RSRC1: variants seen among roughly 807,000 people sequenced by gnomAD.
RSRC1 encodes the protein serine/Arginine-related protein 53.
RSRC1 carries 39 observed loss-of-function variants against 49.1 expected under a neutral mutation model. The observed-to-expected ratio is 0.79, with a 90% CI of 0.61 to 1.04. The LOEUF is 1.04. RSRC1 is among the 50% of genes least tolerant of loss of function. The pLI is 0.00. For synonymous variants in RSRC1, 143 were observed against 130.8 expected (o/e 1.09, Z -0.63); for missense variants, 388 against 402.4 (o/e 0.96, Z 0.31).
chr3:158,229,217 C>A (rs138799732), intron 4 of RSRC1, among the ~76,000 whole-genome samples: 1 of 71,712 alleles, frequency 1.4e-5, no homozygotes. Context: ...TATGTATACA[C>A]ACATACACGT....
At chr3:158,220,381 G>A (rs914744031) in intron 4 of RSRC1, among the ~76,000 whole-genome samples, 1 of 151,550 alleles carries the variant, frequency 6.6e-6, no homozygotes, top group Non-Finnish European at 1.5e-5. Context: ...TACTCTGAAG[G>A]TTAGATGAAA....
chr3:158,378,040 G>C (rs936999526), intron 6 of RSRC1, among the ~76,000 whole-genome samples: 3 of 151,972 alleles, frequency 2.0e-5, no homozygotes, highest in African/African-American at 7.3e-5. Context: ...TTTTCTCTGA[G>C]TTTTCAGGTT....
chr3:158,250,047 A>G (rs528759898), intron 4 of RSRC1, among the ~76,000 whole-genome samples: 2 of 152,338 alleles, frequency 1.3e-5, no homozygotes, highest in African/African-American at 2.4e-5. Context: ...TCTCCCACAA[A>G]TAAGTGAGAA....
chr3:158,123,333 G>C (rs190145261), intron 2 of RSRC1, among the ~76,000 whole-genome samples: 114 of 152,230 alleles, frequency 7.5e-4, no homozygotes, highest in African/African-American at 2.7e-3. Context: ...TTAGAGACAA[G>C]ATCTTGCTCT....
intron 6 of RSRC1, among the ~76,000 whole-genome samples, chr3:158,450,640 A>G (rs900291648): frequency 6.6e-6 from 1 of 151,828 alleles, no homozygotes; most frequent in South Asian, 2.1e-4. Flanking sequence ...CCATAGTTTT[A>G]TAGTCTTTAT....
chr3:158,249,180 A>G (rs1253328397), intron 4 of RSRC1, among the ~76,000 whole-genome samples: 2 of 152,138 alleles, frequency 1.3e-5, no homozygotes, highest in Non-Finnish European at 2.9e-5. Context: ...CATATATTTA[A>G]AAGCATGCAA....
chr3:158,268,820 A>G (rs1725348891), intron 4 of RSRC1, among the ~76,000 whole-genome samples: 1 of 152,236 alleles, frequency 6.6e-6, no homozygotes, highest in African/African-American at 2.4e-5. Flanking sequence ...TTTTTATACT[A>G]AAGTTTAAAT....
chr3:158,474,698 T>C (rs1452339432), intron 7 of RSRC1, among the ~76,000 whole-genome samples: 1 of 152,180 alleles, frequency 6.6e-6, no homozygotes, highest in African/African-American at 2.4e-5. Flanking sequence ...TTTCAGGAAA[T>C]TGTAGCCATT....
intron 5 of RSRC1, among the ~76,000 whole-genome samples, chr3:158,330,162 C>T (rs1355056371): frequency 2.6e-5 from 4 of 152,204 alleles, no homozygotes; most frequent in African/African-American, 9.7e-5. Flanking sequence ...AAAGGGAATT[C>T]CCTGACCCCT....
chr3:158,199,856 G>T (rs1720927726), intron 3 of RSRC1, among the ~76,000 whole-genome samples: 1 of 152,002 alleles, frequency 6.6e-6, no homozygotes, highest in African/African-American at 2.4e-5. Context: ...ATTTAATTCT[G>T]TTTTGGTCAG....
intron 8 of RSRC1, among the ~76,000 whole-genome samples, chr3:158,543,061 A>T (rs1433783599): frequency 6.6e-6 from 1 of 152,080 alleles, no homozygotes; most frequent in Admixed American, 6.6e-5. Flanking sequence ...TCTATTTGTT[A>T]TTCCTAAAAC....
chr3:158,368,712 T>C (rs1731908445), intron 6 of RSRC1, among the ~76,000 whole-genome samples: 1 of 152,216 alleles, frequency 6.6e-6, no homozygotes, highest in Non-Finnish European at 1.5e-5. Flanking sequence ...ATGGGTCTTT[T>C]TCAGTGGTTT....
intron 3 of RSRC1, among the ~76,000 whole-genome samples, chr3:158,186,973 T>G (rs942104105): frequency 3.3e-5 from 5 of 151,958 alleles, no homozygotes; most frequent in African/African-American, 1.2e-4. Context: ...TCTGTGTAAA[T>G]CTTTATTTTC....
chr3:158,517,357 C>T (rs952169835), intron 7 of RSRC1, among the ~76,000 whole-genome samples: 63 of 152,084 alleles, frequency 4.1e-4, no homozygotes, highest in Admixed American at 1.5e-3. Flanking sequence ...TCTTTTCTCA[C>T]TGCACTGACT....
At position 158,450,834 on chromosome 3, in the gene RSRC1, A is replaced by T. The variant is rs150280010; in HGVS notation, c.584-10101A>T. Among the ~76,000 whole-genome samples the T allele has an allele frequency of 3.4e-4, 51 of 151,952 alleles. No homozygotes were observed. The East Asian group carries it at 7.3e-3, about 22-fold the overall frequency. On this transcript the variant is annotated intron_variant, in intron 6 of 9. Coordinates refer to ENST00000611884, the MANE Select transcript of RSRC1 (RefSeq NM_001271838.2). ...TAACATTATATATTTTATGTTAATTATATTTTTTCTCCAAAAATCATTCTT... is the reference window on the plus strand; with the variant it reads ...TAACATTATATATTTTATGTTAATTTTATTTTTTCTCCAAAAATCATTCTT...
chr3:158,372,866 T>G (rs1732157968), intron 6 of RSRC1, among the ~76,000 whole-genome samples: 1 of 151,914 alleles, frequency 6.6e-6, no homozygotes, highest in African/African-American at 2.4e-5. Flanking sequence ...TTTTTTTATT[T>G]CTTTTATCAG....
At chr3:158,506,830 A>G (rs913385521) in intron 7 of RSRC1, among the ~76,000 whole-genome samples, 6 of 149,338 alleles carry the variant, frequency 4.0e-5, no homozygotes, top group African/African-American at 1.5e-4. Flanking sequence ...GTGTGTGTGT[A>G]TATATTTTAT....
At chr3:158,516,569 C>G (rs942529794) in intron 7 of RSRC1, among the ~76,000 whole-genome samples, 7 of 152,168 alleles carry the variant, frequency 4.6e-5, no homozygotes, top group Non-Finnish European at 8.8e-5. Flanking sequence ...GCCCTGCCCC[C>G]AGAGGTGGAG....
At chr3:158,292,566 C>A (rs1726999458) in intron 4 of RSRC1, among the ~76,000 whole-genome samples, 1 of 152,148 alleles carries the variant, frequency 6.6e-6, no homozygotes, top group Admixed American at 6.5e-5. Context: ...CAGCACAGGG[C>A]AAAAGGAGTT....
Sources: gnomAD v4.1 joint callset for allele counts (sites outside exome capture counted in the v4.1 genomes callset) on GRCh38, gnomAD v4.1.1 for gene constraint, MANE v1.5 for transcripts, NCBI Gene and HGNC (gene_info 2026-07-23, HGNC 2026-07-21) for gene names.